Variants in BBS12 observed in about 807,000 individuals in gnomAD.
BBS12 encodes the protein chaperonin-containing T-complex member BBS12.
Under a neutral mutation model 5.6 loss-of-function variants are expected in BBS12, and 5 were observed. The ratio of observed to expected loss-of-function variants is 0.89; its 90% CI spans 0.46 to 1.86. The LOEUF is 1.86. Among genes scored for constraint, BBS12 ranks in the 40% most tolerant of loss-of-function variants. BBS12 has a pLI of 0.01. For synonymous variants in BBS12, 308 were observed against 306.8 expected, an observed-to-expected ratio of 1.00 and a Z score of -0.04; for missense variants, 748 against 830.4, an observed-to-expected ratio of 0.90 and a Z score of 1.22.
the BBS12 span, among the ~76,000 whole-genome samples, chr4:122,711,408 C>T: frequency 2.0e-5 from 3 of 151,918 alleles, no homozygotes; most frequent in South Asian, 4.2e-4. Context: ...AACACACAGG[C>T]TTTCCACAAC....
chr4:122,743,801 T>C lies in BBS12; in HGVS notation c.1909T>C (p.Leu637=). Residue 637 remains leucine (L), a synonymous_variant, in exon 2 of 2, where the codon TTG becomes CTG. Coordinates refer to ENST00000314218, the MANE Select transcript of BBS12 (RefSeq NM_152618.3). ...TDSGSPSSYI[L]NEYSKLNSRI... ...CTCTGGCTCTCCTTCATCTTACATC[T>C]TGAATGAATATAGTAAACTAAATAG... 1.2e-6 allele frequency: 2 copies of C among 1,613,504 alleles called. No individual in the cohort carries two copies. Among genetic ancestry groups the C allele is most frequent in the Non-Finnish European group, 1.7e-6 (2 of 1,179,754 alleles).
intron 1 of BBS12, among the ~76,000 whole-genome samples, chr4:122,741,407 G>C (rs1373755202): frequency 6.6e-6 from 1 of 152,242 alleles, no homozygotes; most frequent in South Asian, 2.1e-4. Context: ...GGCTGGTCTC[G>C]AACCCCTGAC....
the BBS12 span, among the ~76,000 whole-genome samples, chr4:122,707,083 G>C: frequency 0.045 from 5,597 of 124,154 alleles, 170 homozygotes; most frequent in Non-Finnish European, 0.067. Flanking sequence ...TTTTCAGAGA[G>C]AGAGAGATGG....
chr4:122,703,715 C>T, the BBS12 span, among the ~76,000 whole-genome samples: 1 of 152,188 alleles, frequency 6.6e-6, no homozygotes, highest in African/African-American at 2.4e-5. Flanking sequence ...CTACTTGCCA[C>T]AGCTCTGAGA....
At chr4:122,741,177 G>GTT (rs79598897) in intron 1 of BBS12, among the ~76,000 whole-genome samples, 2 of 151,498 alleles carry the variant, frequency 1.3e-5, no homozygotes, top group African/African-American at 4.8e-5. Context: ...TCCACTACAT[G>GTT]TTTTTTTTTG....
At chr4:122,738,275 A>G (rs1227331871) in intron 1 of BBS12, among the ~76,000 whole-genome samples, 5 of 151,934 alleles carry the variant, frequency 3.3e-5, no homozygotes, top group Non-Finnish European at 7.4e-5. Flanking sequence ...GGAGTGTGCA[A>G]TCTCGGCTCA....
chr4:122,742,214 C>T lies in BBS12; in HGVS notation c.322C>T (p.Pro108Ser). The T allele has an allele frequency of 1.2e-6, 2 of 1,613,752 alleles. No homozygotes were observed. Among genetic ancestry groups the T allele is most frequent in the Non-Finnish European group, 1.7e-6 (2 of 1,180,004 alleles). ...AVEECLHLGV[P>S]ISIIVSVMSE... Reference sequence around the variant, plus strand: ...TGAAGAATGTCTTCATCTTGGTGTCCCCATTTCCATAATAGTATCAGTAAT... The same window carrying T: ...TGAAGAATGTCTTCATCTTGGTGTCTCCATTTCCATAATAGTATCAGTAAT... The change falls in exon 2 of 2, where the codon CCC (proline) becomes TCC (serine). Residue 108 changes from proline (P) to serine (S), a missense_variant. By Grantham distance (74) the Pro-to-Ser change is moderately conservative. Transcript: ENST00000314218.
chr4:122,731,540 A>G (rs1800696715), upstream of BBS12: 1 of 152,214 alleles, frequency 6.6e-6, no homozygotes, highest in Non-Finnish European at 1.5e-5. Context: ...GAAAAATAAA[A>G]TCATAACTAT....
chr4:122,725,897 C>CA, the BBS12 span, among the ~76,000 whole-genome samples: 20,234 of 51,610 alleles, frequency 0.39, 4,337 homozygotes, highest in East Asian at 0.62. Context: ...GACTCTGTCT[C>CA]AAAAAAAAAA....
the BBS12 span, among the ~76,000 whole-genome samples, chr4:122,718,751 A>AATGAAATGAAAT: frequency 2.0e-5 from 3 of 150,232 alleles, no homozygotes; most frequent in Non-Finnish European, 4.4e-5. Flanking sequence ...AATGAAATGA[A>AATGAAATGAAAT]ATGAAATGAA....
chr4:122,723,172 A>G, the BBS12 span, among the ~76,000 whole-genome samples: 2 of 152,220 alleles, frequency 1.3e-5, no homozygotes, highest in Admixed American at 1.3e-4. Context: ...AACAAACCAA[A>G]TTAGGTTTGA....
the BBS12 span, among the ~76,000 whole-genome samples, chr4:122,703,850 T>C: frequency 2.0e-5 from 3 of 152,216 alleles, no homozygotes; most frequent in Non-Finnish European, 4.4e-5. Context: ...TATTAATTAA[T>C]TTATTCATTT....
the BBS12 span, among the ~76,000 whole-genome samples, chr4:122,711,642 G>A: frequency 4.6e-5 from 7 of 152,218 alleles, no homozygotes; most frequent in African/African-American, 1.7e-4. Context: ...AATCCTGAAT[G>A]CTGAATTCTG....
the BBS12 span, among the ~76,000 whole-genome samples, chr4:122,717,262 T>C: frequency 4.6e-5 from 7 of 152,208 alleles, no homozygotes; most frequent in Non-Finnish European, 8.8e-5. Context: ...ACATATAAGA[T>C]ACCAAATAAT....
At chr4:122,733,406 CACACACACACACACACACAT>C (rs1800733774) in intron 1 of BBS12, among the ~76,000 whole-genome samples, 2 of 149,706 alleles carry the variant, frequency 1.3e-5, no homozygotes, top group Non-Finnish European at 3.0e-5. Flanking sequence ...CACACACACA[CACACACACACACACACACAT>C]CCAGCCATTT....
the BBS12 span, among the ~76,000 whole-genome samples, chr4:122,707,054 C>CTTTTT: frequency 5.5e-5 from 4 of 72,252 alleles, no homozygotes; most frequent in Admixed American, 6.3e-4. Flanking sequence ...CTCTCTCTCT[C>CTTTTT]TTTTTTTTTT....
chr4:122,723,369 T>G, the BBS12 span, among the ~76,000 whole-genome samples: 1 of 152,370 alleles, frequency 6.6e-6, no homozygotes, highest in South Asian at 2.1e-4. Context: ...GCCTAGAGTT[T>G]TCTTTGTGGA....
At chr4:122,717,003 G>A in the BBS12 span, among the ~76,000 whole-genome samples, 3 of 151,936 alleles carry the variant, frequency 2.0e-5, no homozygotes, top group South Asian at 4.1e-4. Flanking sequence ...CTCACTCACC[G>A]AACAGACAAG....
At chr4:122,736,991 C>T (rs1364015565) in intron 1 of BBS12, among the ~76,000 whole-genome samples, 1 of 152,076 alleles carries the variant, frequency 6.6e-6, no homozygotes, top group Non-Finnish European at 1.5e-5. Context: ...TTTTATGTGA[C>T]TTTTTGCTTA....
Sources: gnomAD v4.1 joint callset for allele counts (sites outside exome capture counted in the v4.1 genomes callset) on GRCh38, gnomAD v4.1.1 for gene constraint, MANE v1.5 for transcripts, NCBI Gene and HGNC (gene_info 2026-07-23, HGNC 2026-07-21) for gene names.